Variants in SGCD observed in about 807,000 individuals in gnomAD.
SGCD encodes sarcoglycan delta.
A neutral mutation model predicts 36.6 loss-of-function variants in SGCD; 18 were observed. The observed-to-expected ratio is 0.49, with a 90% CI of 0.34 to 0.73. The LOEUF is 0.73. Among genes scored for constraint, SGCD ranks in the 30% least tolerant of loss-of-function variants. The pLI is 0.01. For synonymous variants in SGCD, 133 were observed against 130.6 expected (o/e 1.02, Z -0.12); for missense variants, 387 against 346.7 (o/e 1.12, Z -0.92).
chr5:156,656,249 A>G (rs1285235112), intron 7 of SGCD, among the ~76,000 whole-genome samples: 1 of 152,168 alleles, frequency 6.6e-6, no homozygotes, highest in Non-Finnish European at 1.5e-5. Flanking sequence ...TGGAATGCAG[A>G]GATAAAATGA....
chr5:155,897,230 A>G (rs1165338494), intron 1 of SGCD, among the ~76,000 whole-genome samples: 2 of 152,204 alleles, frequency 1.3e-5, no homozygotes, highest in Non-Finnish European at 2.9e-5. Context: ...TGAATACTAT[A>G]AGCAACTATA....
chr5:156,378,966 G>T (rs1216243122), intron 3 of SGCD, among the ~76,000 whole-genome samples: 1 of 152,122 alleles, frequency 6.6e-6, no homozygotes, highest in Non-Finnish European at 1.5e-5. Context: ...AATCCATTCA[G>T]TCATTGAATG....
chr5:156,604,802 T>C (rs894694690), intron 6 of SGCD, among the ~76,000 whole-genome samples: 1 of 32,146 alleles, frequency 3.1e-5, no homozygotes, highest in African/African-American at 8.2e-5. Context: ...ATAATATATA[T>C]AAATTATACA....
At chr5:156,578,017 T>G (rs1358393363) in intron 4 of SGCD, among the ~76,000 whole-genome samples, 1 of 152,182 alleles carries the variant, frequency 6.6e-6, no homozygotes, top group East Asian at 1.9e-4. Flanking sequence ...TGCTTCCAGT[T>G]TTTGCCCATT....
chr5:156,289,699 A>G (rs1272549666), intron 3 of SGCD, among the ~76,000 whole-genome samples: 4 of 151,948 alleles, frequency 2.6e-5, no homozygotes, highest in Non-Finnish European at 4.4e-5. Context: ...TTTAATTTTT[A>G]TAAAGACAAG....
At chr5:156,047,581 C>G (rs1759801089) in intron 1 of SGCD, among the ~76,000 whole-genome samples, 1 of 152,092 alleles carries the variant, frequency 6.6e-6, no homozygotes, top group South Asian at 2.1e-4. Context: ...GCTTGGATAA[C>G]AGAAAATCTG....
the SGCD span, among the ~76,000 whole-genome samples, chr5:155,838,545 G>A: frequency 3.3e-5 from 5 of 152,104 alleles, no homozygotes; most frequent in African/African-American, 4.8e-5. Flanking sequence ...AATTCTCAAA[G>A]TGTGTTCTGG....
chr5:156,393,570 C>T (rs1300524112), intron 3 of SGCD, among the ~76,000 whole-genome samples: 1 of 152,190 alleles, frequency 6.6e-6, no homozygotes, highest in African/African-American at 2.4e-5. Context: ...TAGCGTGCTC[C>T]TGTGCATCTC....
At chr5:156,084,781 GA>G (rs1761053962) in intron 1 of SGCD, among the ~76,000 whole-genome samples, 9 of 152,130 alleles carry the variant, frequency 5.9e-5, no homozygotes, top group Admixed American at 5.9e-4. Flanking sequence ...TGATCTTAGA[GA>G]AAAAGCATTT....
At chr5:155,985,231 A>G (rs1758307412) in intron 1 of SGCD, among the ~76,000 whole-genome samples, 1 of 152,150 alleles carries the variant, frequency 6.6e-6, no homozygotes, top group African/African-American at 2.4e-5. Context: ...TCATGAGGTC[A>G]AAATCAAGGT....
At position 156,333,292 on chromosome 5, in the gene SGCD, A is replaced by G. The variant is rs567775941; in HGVS notation, c.3+3713A>G. On this transcript the variant is annotated intron_variant, in intron 2 of 8. Transcript: ENST00000337851. ...TTTTCATGATGCTGTAAAAATTTATAGGTTTTAGAGACATATCAAAGATGG... is the reference window on the plus strand; with the variant it reads ...TTTTCATGATGCTGTAAAAATTTATGGGTTTTAGAGACATATCAAAGATGG... Among the ~76,000 whole-genome samples the G allele has an allele frequency of 1.2e-4, 19 of 152,326 alleles. No homozygotes were observed. The East Asian group carries it at 3.7e-3, about 29-fold the overall frequency.
At chr5:156,227,045 G>C (rs188858727) in intron 3 of SGCD, among the ~76,000 whole-genome samples, 2 of 147,244 alleles carry the variant, frequency 1.4e-5, no homozygotes, top group African/African-American at 4.9e-5. Context: ...CCACTCTGTG[G>C]GTTGTGTGTT....
intron 3 of SGCD, among the ~76,000 whole-genome samples, chr5:156,455,462 T>C (rs1244910823): frequency 1.4e-5 from 2 of 141,998 alleles, no homozygotes; most frequent in Admixed American, 7.0e-5. Flanking sequence ...TTTTTTTTTT[T>C]CACTGTGGCT....
chr5:156,324,347 G>C (rs1158688753), upstream of SGCD, among the ~76,000 whole-genome samples: 1 of 152,002 alleles, frequency 6.6e-6, no homozygotes, highest in Non-Finnish European at 1.5e-5. Flanking sequence ...TAATAAATCT[G>C]GAAATGTTTT....
chr5:156,129,853 G>A (rs1762269285), intron 3 of SGCD, among the ~76,000 whole-genome samples: 1 of 152,142 alleles, frequency 6.6e-6, no homozygotes, highest in African/African-American at 2.4e-5. Flanking sequence ...GGATTCCATG[G>A]TGTATATATA....
At position 156,760,910 on chromosome 5, in the gene SGCD, T is replaced by TGATA. The variant is rs1357421519; in HGVS notation, c.*1523_*1526dup. 6.6e-6 allele frequency: 1 copy of TGATA among 152,550 alleles called. No individual in the cohort carries two copies. Among genetic ancestry groups the TGATA allele is most frequent in the Admixed American group, 6.5e-5 (1 of 15,280 alleles). The allele number at this position is 152,550 out of a possible 1,614,324, so 9.4% of individuals were successfully genotyped here. On this transcript the variant is annotated 3_prime_UTR_variant, in exon 9 of 9. Coordinates refer to ENST00000337851, the MANE Select transcript of SGCD (RefSeq NM_000337.6). ...AGTTATGACTGGACATCTTAAAAGCTGATAGACAAGCCAAATGGCTGGCAG... is the reference window on the plus strand; with the variant it reads ...AGTTATGACTGGACATCTTAAAAGCTGATAGATAGACAAGCCAAATGGCTGGCAG...
intron 3 of SGCD, among the ~76,000 whole-genome samples, chr5:156,383,230 G>A (rs1229245149): frequency 6.6e-6 from 1 of 152,162 alleles, no homozygotes; most frequent in African/African-American, 2.4e-5. Context: ...TTGGCCGGGT[G>A]TGGTAGTTCA....
the SGCD span, among the ~76,000 whole-genome samples, chr5:155,753,803 C>A: frequency 6.6e-6 from 1 of 151,518 alleles, no homozygotes; most frequent in Non-Finnish European, 1.5e-5. Flanking sequence ...CTCTATTATA[C>A]CCTGGATACA....
At chr5:156,500,709 A>T (rs1421564623) in intron 3 of SGCD, among the ~76,000 whole-genome samples, 1 of 152,224 alleles carries the variant, frequency 6.6e-6, no homozygotes, top group Non-Finnish European at 1.5e-5. Flanking sequence ...TTTTCTGAAT[A>T]AACATATGCA....
Sources: gnomAD v4.1 joint callset for allele counts (sites outside exome capture counted in the v4.1 genomes callset) on GRCh38, gnomAD v4.1.1 for gene constraint, MANE v1.5 for transcripts, NCBI Gene and HGNC (gene_info 2026-07-23, HGNC 2026-07-21) for gene names.